ALPK1: variants seen among roughly 807,000 people sequenced by gnomAD.
ALPK1 encodes alpha kinase 1.
In ALPK1, 110 loss-of-function variants were observed where a neutral mutation model predicts 120.6. The observed-to-expected ratio is 0.91, with a 90% confidence interval of 0.78 to 1.07. The LOEUF (loss-of-function observed/expected upper bound fraction) is 1.07, where lower values mean the gene tolerates loss of function less well. Among genes scored for constraint, ALPK1 ranks in the 50% least tolerant of loss-of-function variants. The pLI, the probability that ALPK1 is intolerant of heterozygous loss-of-function variation, is 0.00. For missense variants in ALPK1, 1,498 were observed against 1,483.9 expected, an observed-to-expected ratio of 1.01 and a Z score of -0.16; for synonymous variants, 582 against 560.3, an observed-to-expected ratio of 1.04 and a Z score of -0.55.
At position 112,439,537 on chromosome 4, in the gene ALPK1, T is replaced by C. The variant is rs1266812865; in HGVS notation, c.3352-149T>C. 4 of 575,642 alleles carry C rather than the reference T, an allele frequency of 6.9e-6. No homozygotes were observed. The African/African-American group carries it at 7.6e-5, about 11-fold the overall frequency. 35.7% of individuals were successfully genotyped at this position (575,642 alleles called of 1,614,324 possible). A position where few individuals can be genotyped will look rare whatever the true frequency, so the allele number is the denominator to read the frequency against. ...TAATCCCTTTAACAAGCCTAAAAGGTAGTTATAATTATACCTACTTTACCC... is the reference window on the plus strand; with the variant it reads ...TAATCCCTTTAACAAGCCTAAAAGGCAGTTATAATTATACCTACTTTACCC... On this transcript the variant is annotated intron_variant, in intron 13 of 15. Coordinates refer to ENST00000650871, the MANE Select transcript of ALPK1 (RefSeq NM_025144.4).
chr4:112,383,303 T>A (rs28473568), intron 4 of ALPK1: 3 of 149,872 alleles, frequency 2.0e-5, no homozygotes, highest in African/African-American at 5.0e-5. Flanking sequence ...ATATATATAT[T>A]TTCTCAAATA....
intron 9 of ALPK1, among the ~76,000 whole-genome samples, chr4:112,428,710 T>G (rs928528718): frequency 2.0e-5 from 3 of 152,180 alleles, no homozygotes; most frequent in South Asian, 2.1e-4. Flanking sequence ...AGTAAGCTCC[T>G]TGAGGGCTCA....
intron 2 of ALPK1, among the ~76,000 whole-genome samples, chr4:112,355,966 C>A (rs1188762635): frequency 6.6e-6 from 1 of 152,218 alleles, no homozygotes; most frequent in South Asian, 2.1e-4. Context: ...AAGAGAGGAG[C>A]CTGTGCCATA....
chr4:112,317,499 T>C (rs143835048), intron 2 of ALPK1, among the ~76,000 whole-genome samples: 52 of 152,318 alleles, frequency 3.4e-4, no homozygotes, highest in African/African-American at 1.1e-3. Flanking sequence ...GAAAAAACTA[T>C]TCTTTCCTCA....
chr4:112,373,500 T>A (rs1731509180), intron 2 of ALPK1, among the ~76,000 whole-genome samples: 1 of 152,202 alleles, frequency 6.6e-6, no homozygotes, highest in African/African-American at 2.4e-5. Flanking sequence ...TTTTGAAGTA[T>A]CCCAAACAGA....
chr4:112,381,241 G>T (rs564812006), intron 3 of ALPK1, among the ~76,000 whole-genome samples: 21 of 152,202 alleles, frequency 1.4e-4, no homozygotes, highest in Non-Finnish European at 2.6e-4. Flanking sequence ...CAACCAATTA[G>T]GTTTGGGGAA....
At chr4:112,389,793 C>T (rs1732322749) in intron 4 of ALPK1, among the ~76,000 whole-genome samples, 2 of 152,200 alleles carry the variant, frequency 1.3e-5, no homozygotes, top group African/African-American at 4.8e-5. Context: ...CTTCCCTGCT[C>T]TCAAATAAGG....
rs751343556 is a variant in ALPK1, at chr4:112,377,740, A to AGG, written c.-38_-37insGG. ...AATGTCTTCTCCTAGGTAATTGATC[A>AGG]CCCTAGACCCAGGGACACCCAATTC... On this transcript the variant is annotated 5_prime_UTR_variant, in exon 3 of 16. Transcript: ENST00000650871. 2.0e-6 allele frequency: 3 copies of AGG among 1,498,658 alleles called. No individual in the cohort carries two copies. The highest frequency in any genetic ancestry group is 2.7e-6 in the Non-Finnish European group (3 of 1,110,372). The allele number at this position is 1,498,658 out of a possible 1,614,324, so 92.8% of individuals were successfully genotyped here.
chr4:112,327,584 C>T (rs1729169569), intron 2 of ALPK1, among the ~76,000 whole-genome samples: 1 of 152,174 alleles, frequency 6.6e-6, no homozygotes, highest in African/African-American at 2.4e-5. Context: ...TACAGGCGTG[C>T]ACAACCGAGC....
Position 112,388,623 on chromosome 4 carries a change from C to CAA in ALPK1, c.276+6085_276+6086dup, listed in dbSNP as rs11409574. 2.6e-4 allele frequency among the ~76,000 whole-genome samples: 33 copies of CAA among 128,672 alleles called. 1 individual carries two copies. Among genetic ancestry groups the CAA allele is most frequent in the Non-Finnish European group, 3.1e-4 (18 of 58,344 alleles). 84.4% of individuals were successfully genotyped at this position (128,672 alleles called of 152,430 possible). A position where few individuals can be genotyped will look rare whatever the true frequency, so the allele number is the denominator to read the frequency against. On this transcript the variant is annotated intron_variant, in intron 4 of 15. Coordinates refer to ENST00000650871, the MANE Select transcript of ALPK1 (RefSeq NM_025144.4). ...AGCAGAAATCTTTTTCATCAAGTTG[C>CAA]AAAAAAAAAAAAAAACACAAAGTGT...
chr4:112,408,217 T>C (rs971803551), intron 4 of ALPK1, among the ~76,000 whole-genome samples: 1 of 152,130 alleles, frequency 6.6e-6, no homozygotes, highest in Non-Finnish European at 1.5e-5. Context: ...CCAAGGTCCA[T>C]AGCCATAAGC....
intron 2 of ALPK1, chr4:112,359,504 C>A: frequency 3.8e-6 from 1 of 261,706 alleles, no homozygotes; most frequent in South Asian, 5.1e-5. Flanking sequence ...CCAGCCAGCC[C>A]AACCCAGGCA....
rs781032660 is a variant in ALPK1 at position 112,382,528 on chromosome 4, T to C, written c.252T>C (p.Ile84=). ...ACAAAACAAACCTGAAGGATGTGAT[T>C]GGCGCCGGGTTGCAGCAGTTACTGG... ...PEDKTNLKDV[I]GAGLQQLLAS... Residue 84 remains isoleucine (I), a synonymous_variant, in exon 4 of 16, where the codon ATT becomes ATC. Coordinates refer to ENST00000650871, the MANE Select transcript of ALPK1 (RefSeq NM_025144.4). 6.2e-7 allele frequency: 1 copy of C among 1,614,122 alleles called. No individual in the cohort carries two copies. The highest frequency in any genetic ancestry group is 1.7e-5 in the Admixed American group (1 of 60,018).
intron 10 of ALPK1, among the ~76,000 whole-genome samples, chr4:112,429,878 AG>A (rs1322744898): frequency 4.0e-5 from 6 of 151,232 alleles, no homozygotes; most frequent in Admixed American, 4.0e-4. Context: ...AAAAAGAAAA[AG>A]AAAAAAAAAA....
At chr4:112,368,609 C>A (rs777572881) in intron 2 of ALPK1, among the ~76,000 whole-genome samples, 2 of 152,174 alleles carry the variant, frequency 1.3e-5, no homozygotes, top group Non-Finnish European at 2.9e-5. Flanking sequence ...TTAGTCACAC[C>A]AGTTGACTGG....
rs1353809933 is a variant in ALPK1 at position 112,431,511 on chromosome 4, A to G, written c.1964A>G (p.Asn655Ser). The G allele has an allele frequency of 1.9e-6, 3 of 1,614,176 alleles. No individual in the cohort carries two copies. The highest frequency in any genetic ancestry group is 4.5e-5 in the East Asian group (2 of 44,874). Residue 655 changes from asparagine to serine, a missense_variant, in exon 11 of 16, where the codon AAT (asparagine) becomes AGT (serine). Coordinates refer to ENST00000650871, the MANE Select transcript of ALPK1 (RefSeq NM_025144.4). Reference sequence around the variant, plus strand: ...GATCTCTCTCTTCAGGAACCCAACAATGACAATTTGGAGCCTTCTCAAAAT... The same window carrying G: ...GATCTCTCTCTTCAGGAACCCAACAGTGACAATTTGGAGCCTTCTCAAAAT... Reference protein sequence around the residue: ...LHDLSLQEPNNDNLEPSQNQP... With the variant: ...LHDLSLQEPNSDNLEPSQNQP...
chr4:112,426,911 G>A (rs1734259886), intron 8 of ALPK1, among the ~76,000 whole-genome samples: 1 of 152,184 alleles, frequency 6.6e-6, no homozygotes, highest in Admixed American at 6.5e-5. Context: ...AGTTGAGTGG[G>A]CGAAGACTTC....
chr4:112,429,871 A>T (rs1216708021), intron 10 of ALPK1, among the ~76,000 whole-genome samples: 1 of 151,244 alleles, frequency 6.6e-6, no homozygotes, highest in Non-Finnish European at 1.5e-5. Context: ...AAAAGAGAAA[A>T]AGAAAAAGAA....
At chr4:112,404,156 G>A (rs565793376) in intron 4 of ALPK1, among the ~76,000 whole-genome samples, 1 of 152,190 alleles carries the variant, frequency 6.6e-6, no homozygotes, top group Non-Finnish European at 1.5e-5. Context: ...AAAATGAGAG[G>A]TTTAGCCATT....
Sources: allele counts gnomAD v4.1 joint callset (sites outside exome capture counted in the v4.1 genomes callset), GRCh38; gene constraint gnomAD v4.1.1; transcripts MANE v1.5; gene names NCBI Gene and HGNC (gene_info 2026-07-23, HGNC 2026-07-21).